The following ANKIB1 variants were observed in gnomAD, a reference collection of about 807,000 sequenced individuals.
ANKIB1 encodes ankyrin repeat and IBR domain-containing protein 1.
Under a neutral mutation model 122.1 loss-of-function variants are expected in ANKIB1, and 43 were observed. The observed-to-expected ratio is 0.35, with a 90% CI of 0.28 to 0.45. The LOEUF is 0.45. Among genes scored for constraint, ANKIB1 ranks in the 20% least tolerant of loss-of-function variants. The pLI, the probability that ANKIB1 is intolerant of heterozygous loss-of-function variation, is 1.00. For synonymous variants in ANKIB1, 390 were observed against 442.0 expected (o/e 0.88, Z 1.48); for missense variants, 992 against 1,329.5 (o/e 0.75, Z 3.95).
intron 3 of ANKIB1, among the ~76,000 whole-genome samples, chr7:92,318,544 T>A (rs1419156248): frequency 6.6e-6 from 1 of 152,130 alleles, no homozygotes; most frequent in African/African-American, 2.4e-5. Flanking sequence ...ACTGTCAGGC[T>A]GTCCATTAGA....
rs374909847 is a variant in ANKIB1, at chr7:92,323,013, A to T, written c.669+3501A>T. ...TCCTTAATGAGTTAATATATGTATAAGCTTTGACCAGTGCCTGGCTCATTT... is the reference window on the plus strand; with the variant it reads ...TCCTTAATGAGTTAATATATGTATATGCTTTGACCAGTGCCTGGCTCATTT... On this transcript the variant is annotated intron_variant, in intron 4 of 19. Coordinates refer to ENST00000265742, the MANE Select transcript of ANKIB1 (RefSeq NM_019004.2). 3.2e-4 allele frequency among the ~76,000 whole-genome samples: 48 copies of T among 152,264 alleles called. 1 individual carries two copies. The highest frequency in any genetic ancestry group is 9.9e-4 in the African/African-American group (41 of 41,572).
chr7:92,367,475 AT>A (rs1364343922), intron 10 of ANKIB1, among the ~76,000 whole-genome samples: 1 of 152,216 alleles, frequency 6.6e-6, no homozygotes, highest in Non-Finnish European at 1.5e-5. Context: ...AGCTTCATGT[AT>A]TTGGATCATA....
In ANKIB1 at chr7:92,352,253, T is replaced by A. The variant is rs181891629; in HGVS notation, c.1231-223T>A. 2.0e-5 allele frequency among the ~76,000 whole-genome samples: 3 copies of A among 152,350 alleles called. No individual in the cohort carries two copies. The East Asian group carries it at 5.8e-4, about 29-fold the overall frequency. ...TTTTTAGATTAAAGAAAACATAAAT[T>A]TTAAAAATAATTTTGTTACTAAGTT... On this transcript the variant is annotated intron_variant, in intron 8 of 19. Coordinates refer to ENST00000265742, the MANE Select transcript of ANKIB1 (RefSeq NM_019004.2).
chr7:92,288,574 A>G (rs1233057698), intron 1 of ANKIB1, among the ~76,000 whole-genome samples: 2 of 152,242 alleles, frequency 1.3e-5, no homozygotes, highest in Non-Finnish European at 2.9e-5. Context: ...GTCTATATGC[A>G]AAACACCTTA....
At chr7:92,337,643 C>T (rs891983740) in intron 5 of ANKIB1, among the ~76,000 whole-genome samples, 1 of 152,118 alleles carries the variant, frequency 6.6e-6, no homozygotes, top group Non-Finnish European at 1.5e-5. Context: ...TAACCCACAT[C>T]AACTTAACTT....
intron 4 of ANKIB1, among the ~76,000 whole-genome samples, chr7:92,322,737 A>G (rs879582133): frequency 6.6e-6 from 1 of 152,164 alleles, no homozygotes; most frequent in African/African-American, 2.4e-5. Context: ...ACCTATTGCT[A>G]AACTTCTAAG....
chr7:92,298,746 A>G (rs1360862930), intron 2 of ANKIB1, among the ~76,000 whole-genome samples: 1 of 147,918 alleles, frequency 6.8e-6, no homozygotes, highest in East Asian at 2.0e-4. Context: ...CATTGTATTC[A>G]TCACTGTTAG....
At chr7:92,388,182 G>A in intron 14 of ANKIB1, 141 bp downstream of exon 14, 1 of 806,698 alleles carries the variant, frequency 1.2e-6, no homozygotes, top group Non-Finnish European at 2.0e-6. Flanking sequence ...TTGAAGCCCT[G>A]AGTGCAGCTT....
chr7:92,372,243 T>C (rs957014549), intron 11 of ANKIB1, among the ~76,000 whole-genome samples: 2 of 152,040 alleles, frequency 1.3e-5, no homozygotes, highest in African/African-American at 4.8e-5. Flanking sequence ...GTATCGAACA[T>C]GTACAGATTT....
intron 17 of ANKIB1, among the ~76,000 whole-genome samples, chr7:92,394,155 A>T (rs996907070): frequency 6.6e-6 from 1 of 152,168 alleles, no homozygotes; most frequent in Non-Finnish European, 1.5e-5. Flanking sequence ...CATCTTTACA[A>T]TGTGGATGGT....
chr7:92,255,989 C>T (rs896056260), intron 1 of ANKIB1, among the ~76,000 whole-genome samples: 1 of 152,092 alleles, frequency 6.6e-6, no homozygotes, highest in Non-Finnish European at 1.5e-5. Flanking sequence ...AGCAGATAAA[C>T]ATTTAATTAT....
intron 11 of ANKIB1, among the ~76,000 whole-genome samples, chr7:92,374,597 G>T (rs867220133): frequency 6.6e-6 from 1 of 151,978 alleles, no homozygotes; most frequent in Non-Finnish European, 1.5e-5. Flanking sequence ...TAAAACAAGG[G>T]TAATGAAAAT....
At chr7:92,277,258 A>G (rs187052012) in intron 1 of ANKIB1, among the ~76,000 whole-genome samples, 1 of 152,312 alleles carries the variant, frequency 6.6e-6, no homozygotes, top group Non-Finnish European at 1.5e-5. Flanking sequence ...GGACTAATAC[A>G]GTACTCCTGG....
In ANKIB1 at chr7:92,338,933, AATATATATATAT is replaced by A. The variant is rs1164398513; in HGVS notation, c.788-4064_788-4053del. Among the ~76,000 whole-genome samples, 218 of 21,890 alleles carry A rather than the reference AATATATATATAT, an allele frequency of 1.0e-2. 9 individuals are homozygous for A. Among genetic ancestry groups the A allele is most frequent in the African/African-American group, 0.028 (152 of 5,520 alleles). 14.4% of individuals were successfully genotyped at this position (21,890 alleles called of 152,430 possible). A position where few individuals can be genotyped will look rare whatever the true frequency, so the allele number is the denominator to read the frequency against. On this transcript the variant is annotated intron_variant, in intron 5 of 19. Coordinates refer to ENST00000265742, the MANE Select transcript of ANKIB1 (RefSeq NM_019004.2). The stretch of plus-strand genomic sequence containing the variant: ...TCTCAAAAAAAAAAAAAAAAAAAAA[AATATATATATAT>A]ATATATATATATATATATATATATA...
intron 1 of ANKIB1, among the ~76,000 whole-genome samples, chr7:92,255,192 T>C (rs1009277713): frequency 5.3e-5 from 8 of 152,220 alleles, no homozygotes; most frequent in African/African-American, 1.9e-4. Flanking sequence ...GAATCATCTA[T>C]ATCTGTCTTT....
chr7:92,396,194 TACC>T, intron 17 of ANKIB1, 168 bp from the exon 18 acceptor site: 1 of 600,676 alleles, frequency 1.7e-6, no homozygotes, highest in Non-Finnish European at 2.9e-6. Flanking sequence ...TTTTCCATTT[TACC>T]TTTTGTGTTT....
At chr7:92,331,001 C>CT (rs1307043773) in intron 5 of ANKIB1, among the ~76,000 whole-genome samples, 1 of 152,036 alleles carries the variant, frequency 6.6e-6, no homozygotes. Context: ...CTGTCCATTG[C>CT]TTGAGATTTT....
At chr7:92,298,879 G>A (rs1373392292) in intron 2 of ANKIB1, among the ~76,000 whole-genome samples, 6 of 151,220 alleles carry the variant, frequency 4.0e-5, no homozygotes, top group Non-Finnish European at 7.4e-5. Context: ...TTAATATTCT[G>A]TGACAACTTC....
intron 11 of ANKIB1, among the ~76,000 whole-genome samples, chr7:92,384,395 C>T (rs1438988873): frequency 1.3e-5 from 2 of 152,132 alleles, no homozygotes; most frequent in Non-Finnish European, 2.9e-5. Flanking sequence ...CTTTAAAGTT[C>T]ATAGGGAACC....
Sources: gnomAD v4.1 joint callset for allele counts (sites outside exome capture counted in the v4.1 genomes callset) on GRCh38, gnomAD v4.1.1 for gene constraint, MANE v1.5 for transcripts, NCBI Gene and HGNC (gene_info 2026-07-23, HGNC 2026-07-21) for gene names.